SPCS2: variants seen among roughly 807,000 people sequenced by gnomAD.
SPCS2 encodes the protein SPase 25 kDa subunit.
Under a neutral mutation model 22.3 loss-of-function variants are expected in SPCS2, and 3 were observed. The observed-to-expected ratio is 0.13, with a 90% CI of 0.06 to 0.35. The LOEUF is 0.35. SPCS2 is among the 10% of genes least tolerant of loss of function. The pLI is 1.00. For synonymous variants in SPCS2, 67 were observed against 97.2 expected (o/e 0.69, Z 1.83); for missense variants, 169 against 280.9 (o/e 0.60, Z 2.85).
intron 4 of SPCS2, among the ~76,000 whole-genome samples, chr11:74,972,185 C>T (rs112661481): frequency 0.011 from 1,709 of 152,256 alleles, 35 homozygotes; most frequent in African/African-American, 0.037. Context: ...CCTGCCTCAG[C>T]CTCCTGAGTA....
At chr11:74,957,388 T>TGGTC (rs563096018) in intron 1 of SPCS2, among the ~76,000 whole-genome samples, 47 of 152,354 alleles carry the variant, frequency 3.1e-4, no homozygotes, top group Admixed American at 2.9e-3. Flanking sequence ...AACGGCTGTA[T>TGGTC]GGTCCTCTCC....
chr11:74,961,480 T>C (rs1948513844), intron 1 of SPCS2, among the ~76,000 whole-genome samples: 1 of 152,226 alleles, frequency 6.6e-6, no homozygotes, highest in African/African-American at 2.4e-5. Context: ...TTTGCCTACA[T>C]ACATTTGTAT....
At chr11:74,972,304 TCG>T (rs1023089712) in intron 4 of SPCS2, among the ~76,000 whole-genome samples, 8 of 152,212 alleles carry the variant, frequency 5.3e-5, no homozygotes, top group African/African-American at 1.9e-4. Context: ...CCTCAAGTGA[TCG>T]CCTAGCCTTG....
chr11:74,961,883 A>G (rs142148951), intron 1 of SPCS2, among the ~76,000 whole-genome samples: 20 of 152,304 alleles, frequency 1.3e-4, no homozygotes, highest in Middle Eastern at 3.4e-3. Flanking sequence ...TAAGGCCACA[A>G]TCTGCTTTGG....
At chr11:74,949,836 T>G (rs1304691121) in intron 1 of SPCS2, among the ~76,000 whole-genome samples, 1 of 152,208 alleles carries the variant, frequency 6.6e-6, no homozygotes. Context: ...GTGCTTCTTG[T>G]CCTTTTGCTT....
intron 4 of SPCS2, among the ~76,000 whole-genome samples, chr11:74,974,676 G>C (rs563913065): frequency 6.6e-6 from 1 of 152,054 alleles, no homozygotes; most frequent in Non-Finnish European, 1.5e-5. Context: ...GTGCAGTGGC[G>C]CGATCTCGGC....
intron 1 of SPCS2, among the ~76,000 whole-genome samples, chr11:74,955,372 G>A (rs1181181967): frequency 6.6e-6 from 1 of 152,114 alleles, no homozygotes; most frequent in African/African-American, 2.4e-5. Context: ...TCTATACAAT[G>A]GAATATAATT....
At position 74,977,003 on chromosome 11, in the gene SPCS2, G is replaced by A. The variant is rs780479903; in HGVS notation, c.641G>A (p.Arg214Lys). 6 of 1,579,678 alleles carry A rather than the reference G, an allele frequency of 3.8e-6. No homozygotes were observed. The highest frequency in any genetic ancestry group is 4.3e-6 in the Non-Finnish European group (5 of 1,157,690). ...VMDAYEPEIS[R>K]LHDSLAIERK... Reference sequence around the variant, plus strand: ...GATGCATATGAGCCTGAAATATCCAGGCTCCATGACAGTCTTGCCATAGAA... The same window carrying A: ...GATGCATATGAGCCTGAAATATCCAAGCTCCATGACAGTCTTGCCATAGAA... The change falls in exon 5 of 5, where the codon AGG (arginine) becomes AAG (lysine). Residue 214 changes from arginine (R) to lysine (K), a missense_variant. This residue lies in a region of SPCS2 where 118 missense variants were observed against 243.1 expected (regional missense o/e 0.49). Transcript: ENST00000263672.
At chr11:74,974,826 G>A (rs975153132) in intron 4 of SPCS2, among the ~76,000 whole-genome samples, 2 of 152,026 alleles carry the variant, frequency 1.3e-5, no homozygotes, top group African/African-American at 2.4e-5. Flanking sequence ...ATGTTAGCCA[G>A]GATGGTCTGG....
rs1483215216 is a variant in SPCS2, at chr11:74,975,441, C to T, written c.495-1416C>T. ...TTATATTATGTTCACTGCCGTATAT[C>T]CTTACCATCTAAAACTGCCTGTCAC... is the stretch of plus-strand genomic sequence containing the variant. On this transcript the variant is annotated intron_variant, in intron 4 of 4. Transcript: ENST00000263672. Among the ~76,000 whole-genome samples, 4 of 152,118 alleles carry T rather than the reference C, an allele frequency of 2.6e-5. No homozygotes were observed. In the East Asian group the frequency reaches 5.8e-4, roughly 22 times the overall value.
intron 1 of SPCS2, among the ~76,000 whole-genome samples, chr11:74,952,218 G>A (rs926459821): frequency 9.2e-5 from 14 of 152,074 alleles, no homozygotes; most frequent in African/African-American, 3.1e-4. Context: ...TTCTAGTGCC[G>A]CATGTTATTA....
chr11:74,965,691 G>A, intron 2 of SPCS2, 72 bp from the exon 3 acceptor site: 1 of 1,313,726 alleles, frequency 7.6e-7, no homozygotes, highest in Non-Finnish European at 1.1e-6. Flanking sequence ...TTTTATCATG[G>A]AAATCAAGAA....
chr11:74,965,731 C>CT (rs1948540991), intron 2 of SPCS2, 32 bp from the exon 3 acceptor site: 3 of 1,573,740 alleles, frequency 1.9e-6, no homozygotes, highest in African/African-American at 2.7e-5. Context: ...GGAAGTATTC[C>CT]TATTAGCTTG....
At chr11:74,950,000 T>C (rs1324740827) in intron 1 of SPCS2, among the ~76,000 whole-genome samples, 2 of 152,144 alleles carry the variant, frequency 1.3e-5, no homozygotes, top group Non-Finnish European at 2.9e-5. Flanking sequence ...CCTCCCTCTT[T>C]GCTACCAAGT....
intron 1 of SPCS2, chr11:74,949,773 A>G: frequency 2.4e-6 from 1 of 412,348 alleles, no homozygotes; most frequent in Non-Finnish European, 4.9e-6. Flanking sequence ...AAGAATCAGT[A>G]TCCCCCAAAC....
intron 1 of SPCS2, chr11:74,949,775 C>T (rs1328828899): frequency 2.5e-6 from 1 of 405,034 alleles, no homozygotes; most frequent in East Asian, 7.0e-5. Context: ...GAATCAGTAT[C>T]CCCCAAACTC....
intron 1 of SPCS2, 105 bp downstream of exon 1, chr11:74,949,504 G>A: frequency 9.6e-7 from 1 of 1,046,518 alleles, no homozygotes; most frequent in Non-Finnish European, 1.4e-6. Context: ...CCTTTTGAGG[G>A]GAGCCCTTGT....
At chr11:74,970,797 C>T (rs1437310568) in intron 4 of SPCS2, among the ~76,000 whole-genome samples, 1 of 152,174 alleles carries the variant, frequency 6.6e-6, no homozygotes, top group Non-Finnish European at 1.5e-5. Context: ...AATTCTAAAA[C>T]CTAGCGGCAT....
At position 74,949,344 on chromosome 11, in the gene SPCS2, C is replaced by T. The variant is rs1326782390; in HGVS notation, c.59C>T (p.Ala20Val). The stretch of plus-strand genomic sequence containing the variant: ...GGTGGTAGCGGAGGCTGTAGTGGGG[C>T]TGGTGGTGCTTCCAACTGCGGGACA... Reference protein sequence around the residue: ...RSGGSGGCSGAGGASNCGTGS... With the variant: ...RSGGSGGCSGVGGASNCGTGS... The change falls in exon 1 of 5, where the codon GCT becomes GTT. Residue 20 changes from alanine (A) to valine (V), a missense_variant. By Grantham distance (64) the Ala-to-Val change is moderately conservative. Around this residue, in one of 2 missense-constraint regions of SPCS2, gnomAD observed 51 missense variants for 37.8 expected, o/e 1.35. Coordinates refer to ENST00000263672, the MANE Select transcript of SPCS2 (RefSeq NM_014752.3). 4 of 1,551,406 alleles carry T rather than the reference C, an allele frequency of 2.6e-6. No individual in the cohort carries two copies. The highest frequency in any genetic ancestry group is 3.5e-6 in the Non-Finnish European group (4 of 1,146,956).
Sources: gnomAD v4.1 joint callset for allele counts (sites outside exome capture counted in the v4.1 genomes callset) on GRCh38, gnomAD v4.1.1 for gene constraint, gnomAD v4.1.1 regional missense constraint, MANE v1.5 for transcripts, NCBI Gene and HGNC (gene_info 2026-07-23, HGNC 2026-07-21) for gene names.